Variants in XDH observed in about 807,000 individuals in gnomAD.
XDH encodes the protein xanthine dehydrogenase.
In XDH, 138 loss-of-function variants were observed where a neutral mutation model predicts 156.1. The observed-to-expected ratio is 0.88, with a 90% CI of 0.77 to 1.02. XDH has a LOEUF of 1.02. Ranked by LOEUF, XDH falls within the 50% of genes least tolerant of loss-of-function variation. XDH has a pLI of 0.00. For synonymous variants in XDH, 669 were observed against 625.7 expected, an observed-to-expected ratio of 1.07 and a Z score of -1.03; for missense variants, 1,849 against 1,684.9, an observed-to-expected ratio of 1.10 and a Z score of -1.71.
At chr2:31,379,281 G>A (rs45520334) in intron 13 of XDH, among the ~76,000 whole-genome samples, 1,847 of 152,230 alleles carry the variant, frequency 0.012, 21 homozygotes, top group South Asian at 0.029. Flanking sequence ...GAATCCATCC[G>A]CACCAATCCA....
At chr2:31,341,466 G>A in intron 32 of XDH, 72 bp from the exon 33 acceptor site, 1 of 1,471,612 alleles carries the variant, frequency 6.8e-7, no homozygotes, top group Non-Finnish European at 9.3e-7. Flanking sequence ...ATGACTCATA[G>A]TGACCCTCAG....
At chr2:31,364,470 A>T (rs977047287) in intron 23 of XDH, among the ~76,000 whole-genome samples, 1 of 151,864 alleles carries the variant, frequency 6.6e-6, no homozygotes, top group Non-Finnish European at 1.5e-5. Flanking sequence ...CCACCCCTGG[A>T]AGCCCTTGTC....
At chr2:31,360,638 G>A (rs1422996957) in intron 24 of XDH, among the ~76,000 whole-genome samples, 1 of 152,154 alleles carries the variant, frequency 6.6e-6, no homozygotes, top group Non-Finnish European at 1.5e-5. Context: ...CCCCTTAGCC[G>A]CTTAGTCCCG....
intron 19 of XDH, 38 bp from the exon 20 acceptor site, chr2:31,368,095 A>G (rs202034074): frequency 1.3e-6 from 2 of 1,586,400 alleles, no homozygotes; most frequent in East Asian, 4.5e-5. Flanking sequence ...TGTGGCTTTT[A>G]GCAGGGAGGG....
chr2:31,345,776 G>C (rs1359028479), intron 30 of XDH, among the ~76,000 whole-genome samples: 1 of 152,098 alleles, frequency 6.6e-6, no homozygotes, highest in Non-Finnish European at 1.5e-5. Context: ...TCATTTATTG[G>C]GGTTATCTGT....
At chr2:31,399,319 A>G (rs1686993830) in intron 4 of XDH, among the ~76,000 whole-genome samples, 1 of 152,114 alleles carries the variant, frequency 6.6e-6, no homozygotes, top group Non-Finnish European at 1.5e-5. Context: ...GAGTATAGGG[A>G]TGAAGAAGGG....
Position 31,366,856 on chromosome 2 carries a change from C to A in XDH, c.2322+14G>T. 1.9e-6 allele frequency: 3 copies of A among 1,613,942 alleles called. No homozygotes were observed. Among genetic ancestry groups the A allele is most frequent in the Non-Finnish European group, 8.5e-7 (1 of 1,180,022 alleles). ...ACCCTGACAGCCCCTTGAGCTGACC[C>A]AAAAGGCATCTACCTGGGTCTTCAT... On this transcript the variant is annotated intron_variant, in intron 21 of 35. Transcript: ENST00000379416.
chr2:31,353,587 A>G (rs189748195), intron 24 of XDH, among the ~76,000 whole-genome samples: 114 of 152,272 alleles, frequency 7.5e-4, no homozygotes, highest in African/African-American at 2.6e-3. Flanking sequence ...TCATCTATAT[A>G]TCCCAGACTT....
At chr2:31,404,257 C>T (rs1450889347) in intron 2 of XDH, among the ~76,000 whole-genome samples, 1 of 152,104 alleles carries the variant, frequency 6.6e-6, no homozygotes, top group African/African-American at 2.4e-5. Flanking sequence ...GTGTCCTAGT[C>T]AGGATATATG....
chr2:31,350,920 C>T (rs891670837), intron 24 of XDH, among the ~76,000 whole-genome samples: 2 of 135,316 alleles, frequency 1.5e-5, no homozygotes, highest in African/African-American at 5.4e-5. Flanking sequence ...CTTCCACTTT[C>T]CTTCCTTCTA....
intron 6 of XDH, among the ~76,000 whole-genome samples, chr2:31,391,903 G>A (rs887970150): frequency 6.6e-6 from 1 of 152,140 alleles, no homozygotes; most frequent in Non-Finnish European, 1.5e-5. Flanking sequence ...TTTTTTAAAT[G>A]TTTGATAGGA....
chr2:31,360,626 T>A (rs1285283046), intron 24 of XDH, among the ~76,000 whole-genome samples: 1 of 152,206 alleles, frequency 6.6e-6, no homozygotes, highest in African/African-American at 2.4e-5. Context: ...GTGTACTACC[T>A]GCCCCTTAGC....
At chr2:31,348,131 C>G (rs1290850413) in intron 28 of XDH, 137 bp downstream of exon 28, 9 of 881,012 alleles carry the variant, frequency 1.0e-5, no homozygotes, top group East Asian at 2.6e-5. Flanking sequence ...AAAGACTTGC[C>G]CGAGGCTACA....
chr2:31,413,194 A>G (rs931530776), intron 1 of XDH, among the ~76,000 whole-genome samples: 3 of 152,242 alleles, frequency 2.0e-5, no homozygotes, highest in Admixed American at 2.0e-4. Context: ...TGTTTACCCA[A>G]TGTAAAAATT....
rs945145712 is a variant in XDH, at chr2:31,369,490, C to A, written c.1981-830G>T. 8.9e-4 allele frequency among the ~76,000 whole-genome samples: 136 copies of A among 152,214 alleles called. 1 individual carries two copies. Among genetic ancestry groups the A allele is most frequent in the Middle Eastern group, 3.4e-3 (1 of 294 alleles). On this transcript the variant is annotated intron_variant, in intron 18 of 35. Transcript: ENST00000379416. ...TCACTTTAGAAGATGAAGTTTCTGA[C>A]AATAGGAACCAACAATTAGTATGCA...
intron 1 of XDH, among the ~76,000 whole-genome samples, chr2:31,410,771 A>G (rs985611927): frequency 6.6e-6 from 1 of 152,208 alleles, no homozygotes; most frequent in Non-Finnish European, 1.5e-5. Flanking sequence ...CTTTTCAGAA[A>G]CACCAATGTC....
chr2:31,365,366 A>T, intron 23 of XDH, 91 bp downstream of exon 23: 1 of 1,353,154 alleles, frequency 7.4e-7, no homozygotes, highest in Non-Finnish European at 1.1e-6. Context: ...GGCAAAAAGT[A>T]GGAGTGCAGC....
chr2:31,399,314 T>C (rs1274655888), intron 4 of XDH, among the ~76,000 whole-genome samples: 1 of 151,894 alleles, frequency 6.6e-6, no homozygotes, highest in African/African-American at 2.4e-5. Context: ...AATGAGAGTA[T>C]AGGGATGAAG....
At chr2:31,343,281 T>C (rs1314248735) in intron 31 of XDH, among the ~76,000 whole-genome samples, 4 of 92,142 alleles carry the variant, frequency 4.3e-5, no homozygotes, top group African/African-American at 1.6e-4. Flanking sequence ...AAACATTTCT[T>C]CACCATATAT....
Sources: gnomAD v4.1 joint callset for allele counts (sites outside exome capture counted in the v4.1 genomes callset) on GRCh38, gnomAD v4.1.1 for gene constraint, MANE v1.5 for transcripts, NCBI Gene and HGNC (gene_info 2026-07-23, HGNC 2026-07-21) for gene names.